ERAP1: variants seen among roughly 807,000 people sequenced by gnomAD.
The protein encoded by ERAP1 is endoplasmic reticulum aminopeptidase 1, also known as adipocyte-derived leucine aminopeptidase.
A neutral mutation model predicts 103.7 loss-of-function variants in ERAP1; 86 were observed. The observed-to-expected ratio is 0.83, with a 90% CI of 0.70 to 0.99. ERAP1 has a LOEUF of 0.99. ERAP1 is among the 50% of genes least tolerant of loss of function. The pLI is 0.00. For missense variants in ERAP1, 1,009 were observed against 1,128.4 expected, an observed-to-expected ratio of 0.89 and a Z score of 1.52; for synonymous variants, 398 against 402.4, an observed-to-expected ratio of 0.99 and a Z score of 0.13.
the ERAP1 span, chr5:96,879,812 A>G: frequency 3.1e-6 from 5 of 1,614,154 alleles, no homozygotes; most frequent in South Asian, 2.2e-5. Context: ...AGTGCCATCT[A>G]GTTATCACTT....
At chr5:96,803,037 G>C (rs572074694) in intron 2 of ERAP1, among the ~76,000 whole-genome samples, 1 of 152,060 alleles carries the variant, frequency 6.6e-6, no homozygotes, top group African/African-American at 2.4e-5. Context: ...CCAGACCTGA[G>C]AGAGAATACA....
the ERAP1 span, among the ~76,000 whole-genome samples, chr5:96,852,585 CA>C: frequency 6.6e-6 from 1 of 152,166 alleles, no homozygotes; most frequent in Non-Finnish European, 1.5e-5. Flanking sequence ...CCCTATTTAA[CA>C]ATAACAAAAA....
At chr5:96,771,843 C>T (rs1772492709), downstream of ERAP1, 2 of 503,260 alleles carry the variant, frequency 4.0e-6, no homozygotes, top group South Asian at 7.5e-5. Flanking sequence ...ACTGCAAGAT[C>T]TACAGAGTAA....
the ERAP1 span, among the ~76,000 whole-genome samples, chr5:96,924,368 T>C: frequency 5.9e-5 from 9 of 152,178 alleles, no homozygotes; most frequent in Admixed American, 3.9e-4. Context: ...CAGCTGAGAG[T>C]CAGCCAAGAA....
chr5:96,847,172 C>T, the ERAP1 span, among the ~76,000 whole-genome samples: 19 of 148,102 alleles, frequency 1.3e-4, 1 homozygote, highest in East Asian at 2.2e-3. Context: ...CGCTTGAACC[C>T]GGGAGGCGGA....
chr5:96,854,206 T>G, the ERAP1 span, among the ~76,000 whole-genome samples: 1 of 152,222 alleles, frequency 6.6e-6, no homozygotes, highest in South Asian at 2.1e-4. Context: ...AAATCTCTTA[T>G]GAGAATCAAA....
chr5:96,905,773 A>G, the ERAP1 span, among the ~76,000 whole-genome samples: 1 of 152,236 alleles, frequency 6.6e-6, no homozygotes, highest in East Asian at 1.9e-4. Flanking sequence ...AATCCCAGCT[A>G]CTTGGGTGGC....
downstream of ERAP1, chr5:96,771,625 G>A (rs199866388): frequency 1.1e-3 from 1,770 of 1,607,432 alleles, 2 homozygotes; most frequent in Non-Finnish European, 1.3e-3. Context: ...CTCACGGATG[G>A]TTTTGCTTTC....
intron 11 of ERAP1, among the ~76,000 whole-genome samples, chr5:96,787,007 C>G (rs894564516): frequency 9.9e-5 from 15 of 152,026 alleles, no homozygotes; most frequent in South Asian, 2.1e-4. Context: ...CAAAAAATGT[C>G]AATATCGAGA....
rs151040768 is a variant in ERAP1, at chr5:96,803,692, T to C, written c.235A>G (p.Thr79Ala). Residue 79 changes from threonine to alanine, a missense_variant, in exon 2 of 19, where the codon ACC becomes GCC. Transcript: ENST00000443439. ...CTGGCTGTGATTTCTACTTTCGTGG[T>C]TCCCCAGAAGGTCAGCGTGGTAAGG... ...ANLTTLTFWG[T>A]TKVEITASQP... 6.2e-7 allele frequency: 1 copy of C among 1,614,086 alleles called. No homozygotes were observed. Among genetic ancestry groups the C allele is most frequent in the African/African-American group, 1.3e-5 (1 of 74,936 alleles).
the ERAP1 span, among the ~76,000 whole-genome samples, chr5:96,845,328 A>G: frequency 6.6e-6 from 1 of 152,042 alleles, no homozygotes; most frequent in Non-Finnish European, 1.5e-5. Context: ...TCCACCTTCC[A>G]GGTTCAAGTG....
At chr5:96,817,668 GA>G in the ERAP1 span, among the ~76,000 whole-genome samples, 2 of 152,226 alleles carry the variant, frequency 1.3e-5, no homozygotes, top group South Asian at 4.1e-4. Flanking sequence ...GGCCACCAGT[GA>G]AACTGCTTCT....
upstream of ERAP1, among the ~76,000 whole-genome samples, chr5:96,811,148 T>C (rs942334667): frequency 6.6e-6 from 1 of 151,972 alleles, no homozygotes; most frequent in African/African-American, 2.4e-5. Context: ...ATATTCTTGA[T>C]AAAGAGGATG....
chr5:96,921,858 T>C, the ERAP1 span, among the ~76,000 whole-genome samples: 2 of 152,256 alleles, frequency 1.3e-5, no homozygotes, highest in Admixed American at 6.5e-5. Flanking sequence ...TAATAGCACC[T>C]GGTATGTCCC....
chr5:96,856,365 T>TATATATATATAGAGAG, the ERAP1 span, among the ~76,000 whole-genome samples: 53 of 20,366 alleles, frequency 2.6e-3, no homozygotes, highest in South Asian at 4.6e-3. Flanking sequence ...TATATATATA[T>TATATATATATAGAGAG]AGAGAGAGAG....
rs1215027310 is a variant in ERAP1, at chr5:96,776,028, T to G, written c.*368A>C. ...TGTTCATTGTTCAGTAGTCGACTAT[T>G]CAGAGTCTTTCGAGGAGACTGATGA... is the stretch of plus-strand genomic sequence containing the variant. On this transcript the variant is annotated 3_prime_UTR_variant, in exon 19 of 19. Transcript: ENST00000443439. 8.6e-6 allele frequency: 10 copies of G among 1,157,438 alleles called. No homozygotes were observed. Among genetic ancestry groups the G allele is most frequent in the African/African-American group, 1.6e-5 (1 of 62,230 alleles). The allele number at this position is 1,157,438 out of a possible 1,614,324, so 71.7% of individuals were successfully genotyped here.
the ERAP1 span, chr5:96,873,569 G>A: frequency 4.6e-6 from 2 of 434,780 alleles, no homozygotes; most frequent in South Asian, 1.6e-5. Flanking sequence ...AGACACTCTA[G>A]GTCAATGGAG....
exon 20 of ERAP1, chr5:96,763,028 C>T: frequency 1.4e-6 from 1 of 710,248 alleles, no homozygotes; most frequent in Non-Finnish European, 2.6e-6. Context: ...CACAGCACAT[C>T]AAATTATAAA....
At chr5:96,882,764 C>G in the ERAP1 span, among the ~76,000 whole-genome samples, 1 of 152,136 alleles carries the variant, frequency 6.6e-6, no homozygotes, top group Non-Finnish European at 1.5e-5. Context: ...ACAAGTGAAT[C>G]ATTTACATCC....
Sources: allele counts gnomAD v4.1 joint callset (sites outside exome capture counted in the v4.1 genomes callset), GRCh38; gene constraint gnomAD v4.1.1; transcripts MANE v1.5; gene names NCBI Gene and HGNC (gene_info 2026-07-23, HGNC 2026-07-21).